The following KCND3 variants were observed in gnomAD, a reference collection of about 807,000 sequenced individuals.
KCND3 encodes the protein potassium voltage-gated channel subfamily D member 3.
Under a neutral mutation model 51.1 loss-of-function variants are expected in KCND3, and 9 were observed. The observed-to-expected ratio is 0.18, with a 90% CI of 0.11 to 0.31. The LOEUF (loss-of-function observed/expected upper bound fraction) is 0.31. KCND3 is among the 10% of genes least tolerant of loss of function. KCND3 has a pLI of 1.00. For missense variants in KCND3, 526 were observed against 903.8 expected (o/e 0.58, Z 5.36); for synonymous variants, 349 against 368.0 (o/e 0.95, Z 0.59).
At chr1:111,797,028 C>G (rs1440349355) in intron 2 of KCND3, among the ~76,000 whole-genome samples, 1 of 152,186 alleles carries the variant, frequency 6.6e-6, no homozygotes, top group Non-Finnish European at 1.5e-5. Flanking sequence ...CAGAGCTGTT[C>G]TTCTAAACCA....
At chr1:111,822,306 G>A (rs903351949) in intron 2 of KCND3, among the ~76,000 whole-genome samples, 17 of 151,934 alleles carry the variant, frequency 1.1e-4, no homozygotes, top group African/African-American at 2.2e-4. Context: ...AAACTGTTGC[G>A]CAACCATCGC....
At chr1:111,958,907 G>C (rs894484291) in intron 2 of KCND3, among the ~76,000 whole-genome samples, 1 of 152,164 alleles carries the variant, frequency 6.6e-6, no homozygotes, top group Non-Finnish European at 1.5e-5. Flanking sequence ...AGAGGCTGCC[G>C]GAGGCCATAT....
chr1:111,870,374 T>C (rs923055006), intron 2 of KCND3, among the ~76,000 whole-genome samples: 1 of 152,222 alleles, frequency 6.6e-6, no homozygotes, highest in South Asian at 2.1e-4. Flanking sequence ...GACTTCTCAT[T>C]CTGATGCTGG....
chr1:111,928,773 C>T (rs573695943), intron 2 of KCND3, among the ~76,000 whole-genome samples: 10 of 152,148 alleles, frequency 6.6e-5, no homozygotes, highest in South Asian at 2.1e-4. Flanking sequence ...ATAGATCTCA[C>T]GCACTCCCTA....
intron 2 of KCND3, among the ~76,000 whole-genome samples, chr1:111,885,676 A>AT (rs879429845): frequency 1.9e-3 from 270 of 143,478 alleles, no homozygotes; most frequent in African/African-American, 3.7e-3. Flanking sequence ...ACATTTTGTG[A>AT]TTTTTTTTTT....
At chr1:111,891,253 G>A (rs1425797828) in intron 2 of KCND3, among the ~76,000 whole-genome samples, 1 of 152,230 alleles carries the variant, frequency 6.6e-6, no homozygotes. Context: ...AAGAAAAAAG[G>A]AAGAGAATGG....
intron 2 of KCND3, among the ~76,000 whole-genome samples, chr1:111,821,432 G>A (rs1039023756): frequency 4.6e-5 from 7 of 152,116 alleles, no homozygotes; most frequent in African/African-American, 7.2e-5. Context: ...AGTGCACAGC[G>A]GGTATCTTTG....
chr1:111,852,679 A>G (rs1667876710), intron 2 of KCND3, among the ~76,000 whole-genome samples: 1 of 152,224 alleles, frequency 6.6e-6, no homozygotes, highest in Non-Finnish European at 1.5e-5. Flanking sequence ...TCTGGGATGC[A>G]ATTAGTTCCT....
intron 2 of KCND3, among the ~76,000 whole-genome samples, chr1:111,827,449 C>A (rs1215104852): frequency 2.6e-5 from 4 of 152,204 alleles, no homozygotes; most frequent in African/African-American, 9.6e-5. Context: ...TGCCAGGGGT[C>A]CCAGGACACT....
At chr1:111,822,413 C>T (rs1309109732) in intron 2 of KCND3, among the ~76,000 whole-genome samples, 3 of 152,172 alleles carry the variant, frequency 2.0e-5, no homozygotes, top group African/African-American at 7.2e-5. Flanking sequence ...CTTTCTCTCT[C>T]TATGAATTTG....
At chr1:111,836,408 A>C (rs1667067947) in intron 2 of KCND3, among the ~76,000 whole-genome samples, 1 of 152,218 alleles carries the variant, frequency 6.6e-6, no homozygotes, top group Admixed American at 6.5e-5. Flanking sequence ...CCGACTTTAC[A>C]AAGAATCTTC....
At chr1:111,888,049 T>C (rs1669647893) in intron 2 of KCND3, among the ~76,000 whole-genome samples, 1 of 152,184 alleles carries the variant, frequency 6.6e-6, no homozygotes, top group Non-Finnish European at 1.5e-5. Context: ...ACCAGAGTGA[T>C]GGGCAGAGCA....
chr1:111,910,644 C>G (rs1029381522), intron 2 of KCND3: 2 of 152,406 alleles, frequency 1.3e-5, no homozygotes, highest in South Asian at 4.1e-4. Flanking sequence ...TCTCCGCACA[C>G]CCTAGCCAGG....
chr1:111,822,189 A>G (rs541041835), intron 2 of KCND3, among the ~76,000 whole-genome samples: 1 of 152,152 alleles, frequency 6.6e-6, no homozygotes, highest in Non-Finnish European at 1.5e-5. Flanking sequence ...AAATTAAAAT[A>G]TGTTTGTCGT....
intron 2 of KCND3, among the ~76,000 whole-genome samples, chr1:111,852,593 G>A (rs1667871562): frequency 6.6e-6 from 1 of 152,168 alleles, no homozygotes; most frequent in Non-Finnish European, 1.5e-5. Flanking sequence ...AGAGGGGAGT[G>A]CAGCTGCACT....
At chr1:111,926,249 C>A (rs1334919055) in intron 2 of KCND3, among the ~76,000 whole-genome samples, 1 of 152,190 alleles carries the variant, frequency 6.6e-6, no homozygotes, top group Non-Finnish European at 1.5e-5. Context: ...GGCCACACTG[C>A]ACTGTGATGG....
intron 2 of KCND3, among the ~76,000 whole-genome samples, chr1:111,796,749 AGAAC>A (rs911990243): frequency 2.6e-5 from 4 of 152,226 alleles, no homozygotes; most frequent in Non-Finnish European, 5.9e-5. Flanking sequence ...AAAAAACAAA[AGAAC>A]AGCCTTGAGA....
At chr1:111,823,003 T>G (rs1325524711) in intron 2 of KCND3, among the ~76,000 whole-genome samples, 1 of 152,218 alleles carries the variant, frequency 6.6e-6, no homozygotes, top group Non-Finnish European at 1.5e-5. Flanking sequence ...ACACGGTTTA[T>G]AAGTGTGGAG....
At chr1:111,868,989 A>G (rs954283428) in intron 2 of KCND3, among the ~76,000 whole-genome samples, 2 of 152,138 alleles carry the variant, frequency 1.3e-5, no homozygotes, top group African/African-American at 4.8e-5. Flanking sequence ...AGTCATACAA[A>G]TAGTAAGTGA....
Sources: gnomAD v4.1 joint callset for allele counts (sites outside exome capture counted in the v4.1 genomes callset) on GRCh38, gnomAD v4.1.1 for gene constraint, MANE v1.5 for transcripts, NCBI Gene and HGNC (gene_info 2026-07-23, HGNC 2026-07-21) for gene names.